Variants in DPYD observed in about 807,000 individuals in gnomAD.
DPYD encodes the protein dihydropyrimidine dehydrogenase, also known as dihydropyrimidine dehydrogenase [NADP(+)].
In DPYD, 109 loss-of-function variants were observed where a neutral mutation model predicts 116.2. The observed-to-expected ratio is 0.94, with a 90% CI of 0.80 to 1.10. The LOEUF is 1.10. Among genes scored for constraint, DPYD ranks in the 50% least tolerant of loss-of-function variants. The pLI, the probability that DPYD is intolerant of heterozygous loss-of-function variation, is 0.00. For synonymous variants in DPYD, 440 were observed against 432.0 expected, an observed-to-expected ratio of 1.02 and a Z score of -0.23; for missense variants, 1,302 against 1,254.5, an observed-to-expected ratio of 1.04 and a Z score of -0.57.
intron 14 of DPYD, among the ~76,000 whole-genome samples, chr1:97,411,122 A>G (rs1673969478): frequency 6.6e-6 from 1 of 152,142 alleles, no homozygotes; most frequent in South Asian, 2.1e-4. Flanking sequence ...TTCTTTTCCA[A>G]TCCAGGCTCT....
chr1:97,162,364 T>C (rs1655978543), intron 20 of DPYD, among the ~76,000 whole-genome samples: 1 of 152,070 alleles, frequency 6.6e-6, no homozygotes, highest in Non-Finnish European at 1.5e-5. Flanking sequence ...AAATCATGAG[T>C]GAACTCCCAT....
At chr1:97,589,352 C>T (rs1464578584) in intron 10 of DPYD, among the ~76,000 whole-genome samples, 1 of 152,206 alleles carries the variant, frequency 6.6e-6, no homozygotes, top group Non-Finnish European at 1.5e-5. Context: ...AAGGGAGAAT[C>T]ATGGGGGTGG....
intron 16 of DPYD, among the ~76,000 whole-genome samples, chr1:97,371,749 T>A (rs1483680595): frequency 6.6e-6 from 1 of 152,230 alleles, no homozygotes; most frequent in African/African-American, 2.4e-5. Context: ...TCATATAATT[T>A]ACAAGAGAAT....
chr1:97,114,088 T>C (rs1287808252), intron 20 of DPYD, among the ~76,000 whole-genome samples: 1 of 152,088 alleles, frequency 6.6e-6, no homozygotes, highest in African/African-American at 2.4e-5. Context: ...AGTCCACATT[T>C]TGGATTATAA....
chr1:97,877,898 G>A (rs1040763950), intron 2 of DPYD, among the ~76,000 whole-genome samples: 12 of 152,022 alleles, frequency 7.9e-5, no homozygotes, highest in East Asian at 5.8e-4. Flanking sequence ...CTAATTAAGT[G>A]GATTTCATCT....
chr1:97,254,116 A>G (rs1663285043), intron 18 of DPYD, among the ~76,000 whole-genome samples: 1 of 152,088 alleles, frequency 6.6e-6, no homozygotes, highest in African/African-American at 2.4e-5. Context: ...AAATTGTTAA[A>G]TATCTTGTCT....
At chr1:97,221,105 CTTAATAAAGA>C (rs1660742575) in intron 19 of DPYD, among the ~76,000 whole-genome samples, 2 of 152,066 alleles carry the variant, frequency 1.3e-5, no homozygotes, top group African/African-American at 2.4e-5. Context: ...GGATAAATTA[CTTAATAAAGA>C]CAAAAACAAA....
At chr1:97,448,486 AGAGT>A (rs1676214335) in intron 14 of DPYD, among the ~76,000 whole-genome samples, 1 of 152,218 alleles carries the variant, frequency 6.6e-6, no homozygotes, top group African/African-American at 2.4e-5. Flanking sequence ...TGCCTAGCAC[AGAGT>A]GAGTGTTATA....
chr1:97,855,007 T>C (rs1670748402), intron 2 of DPYD: 1 of 152,182 alleles, frequency 6.6e-6, no homozygotes, highest in African/African-American at 2.4e-5. Flanking sequence ...GCCTCCTGCA[T>C]ATCTCAGGGG....
chr1:97,399,846 G>A (rs1267193220), intron 14 of DPYD, among the ~76,000 whole-genome samples: 1 of 152,062 alleles, frequency 6.6e-6, no homozygotes, highest in Admixed American at 6.6e-5. Flanking sequence ...AGGAGATTTT[G>A]GGCTGAGATG....
At chr1:97,196,263 G>T (rs1181856782) in intron 19 of DPYD, among the ~76,000 whole-genome samples, 1 of 151,368 alleles carries the variant, frequency 6.6e-6, no homozygotes, top group African/African-American at 2.4e-5. Context: ...CCATGCTTGG[G>T]TAATTGTTTT....
chr1:97,335,268 G>C (rs139432075), intron 16 of DPYD, among the ~76,000 whole-genome samples: 1 of 147,182 alleles, frequency 6.8e-6, no homozygotes, highest in Non-Finnish European at 1.5e-5. Context: ...CTTCACGCTG[G>C]CTATGCATCA....
intron 7 of DPYD, among the ~76,000 whole-genome samples, chr1:97,688,499 T>A (rs1362022174): frequency 1.3e-5 from 2 of 152,074 alleles, no homozygotes; most frequent in Non-Finnish European, 2.9e-5. Flanking sequence ...TGGTCATAGT[T>A]CTATTTCATA....
chr1:97,315,902 C>T (rs1667801944), intron 16 of DPYD, among the ~76,000 whole-genome samples: 1 of 151,868 alleles, frequency 6.6e-6, no homozygotes, highest in South Asian at 2.1e-4. Flanking sequence ...CTTTTAGGGA[C>T]ATGGTAGGAG....
At position 97,823,671 on chromosome 1, in the gene DPYD, CT is replaced by C. The variant is rs1012011646; in HGVS notation, c.233+4442del. On this transcript the variant is annotated intron_variant, in intron 3 of 22. Coordinates refer to ENST00000370192, the MANE Select transcript of DPYD (RefSeq NM_000110.4). ...TCCATTTTCTTGCAAATGACGGAAG[CT>C]TTTTTTTTTATTATTGGAATCAAAG... 1.8e-3 allele frequency among the ~76,000 whole-genome samples: 261 copies of C among 148,052 alleles called. 1 individual carries two copies. The highest frequency in any genetic ancestry group is 5.7e-3 in the African/African-American group (229 of 40,504).
intron 3 of DPYD, among the ~76,000 whole-genome samples, chr1:97,751,529 A>G (rs1165854181): frequency 7.7e-6 from 1 of 129,380 alleles, no homozygotes; most frequent in African/African-American, 2.9e-5. Flanking sequence ...TGTAACCTCA[A>G]TGCTTTGGGA....
chr1:97,795,770 ACT>A (rs746175955), intron 3 of DPYD, among the ~76,000 whole-genome samples: 43 of 152,024 alleles, frequency 2.8e-4, no homozygotes, highest in Non-Finnish European at 3.2e-4. Flanking sequence ...AAAAAATATG[ACT>A]CATTCTCTGG....
intron 18 of DPYD, among the ~76,000 whole-genome samples, chr1:97,250,411 CAG>C (rs929653816): frequency 6.6e-6 from 1 of 152,040 alleles, no homozygotes; most frequent in Non-Finnish European, 1.5e-5. Context: ...ACAGTGAAAA[CAG>C]AACTAAAAAA....
At chr1:97,496,892 A>G (rs1018455484) in intron 13 of DPYD, among the ~76,000 whole-genome samples, 2 of 152,004 alleles carry the variant, frequency 1.3e-5, no homozygotes, top group Non-Finnish European at 2.9e-5. Flanking sequence ...AATTACACAG[A>G]GTATAAAATA....
Sources: allele counts gnomAD v4.1 joint callset (sites outside exome capture counted in the v4.1 genomes callset), GRCh38; gene constraint gnomAD v4.1.1; transcripts MANE v1.5; gene names NCBI Gene and HGNC (gene_info 2026-07-23, HGNC 2026-07-21).